Variants in ARPP21 observed in about 807,000 individuals in gnomAD.
ARPP21 encodes the protein cAMP-regulated phosphoprotein 21.
Under a neutral mutation model 113.2 loss-of-function variants are expected in ARPP21, and 69 were observed. The ratio of observed to expected loss-of-function variants is 0.61; its 90% CI spans 0.50 to 0.74. The LOEUF (loss-of-function observed/expected upper bound fraction) is 0.74. Ranked by LOEUF, ARPP21 falls within the 30% of genes least tolerant of loss-of-function variation. The pLI, the probability that ARPP21 is intolerant of heterozygous loss-of-function variation, is 0.00. For synonymous variants in ARPP21, 368 were observed against 375.5 expected, an observed-to-expected ratio of 0.98 and a Z score of 0.23; for missense variants, 1,070 against 1,037.4, an observed-to-expected ratio of 1.03 and a Z score of -0.43.
chr3:35,750,789 G>C (rs1553723278), intron 19 of ARPP21, among the ~76,000 whole-genome samples: 1 of 152,068 alleles, frequency 6.6e-6, no homozygotes, highest in African/African-American at 2.4e-5. Flanking sequence ...CTATCTTTTA[G>C]TTCCTTTTGC....
intron 12 of ARPP21, 108 bp from the exon 13 acceptor site, chr3:35,717,190 C>A: frequency 1.6e-6 from 1 of 614,132 alleles, no homozygotes; most frequent in Non-Finnish European, 2.9e-6. Context: ...ATAAATAAAA[C>A]TTTGTATGGG....
At chr3:35,785,089 T>A (rs937379939) in intron 19 of ARPP21, 2 of 152,070 alleles carry the variant, frequency 1.3e-5, no homozygotes, top group Non-Finnish European at 2.9e-5. Flanking sequence ...ATGGGGACAG[T>A]TATTAGAGCC....
intron 19 of ARPP21, among the ~76,000 whole-genome samples, chr3:35,782,699 T>C (rs972387549): frequency 7.9e-5 from 12 of 152,148 alleles, no homozygotes; most frequent in African/African-American, 2.7e-4. Flanking sequence ...GGTTTATAGA[T>C]TTTCTTACTC....
At chr3:35,755,761 T>G (rs2095548927) in intron 19 of ARPP21, among the ~76,000 whole-genome samples, 1 of 152,044 alleles carries the variant, frequency 6.6e-6, no homozygotes. Context: ...TCTTAAGTAG[T>G]GTTATTTTTA....
chr3:35,686,761 T>C (rs1016317400), intron 5 of ARPP21, among the ~76,000 whole-genome samples: 6 of 151,640 alleles, frequency 4.0e-5, no homozygotes, highest in Admixed American at 6.6e-5. Flanking sequence ...GGGCTTAACG[T>C]TGGTTAATTT....
chr3:35,680,741 TTTC>T (rs1268387917), intron 2 of ARPP21: 10 of 152,034 alleles, frequency 6.6e-5, no homozygotes, highest in South Asian at 2.1e-4. Flanking sequence ...TTCTTTTTAC[TTTC>T]TTCTTCTCTC....
At chr3:35,731,141 T>C (rs1576391741) in intron 15 of ARPP21, among the ~76,000 whole-genome samples, 2 of 152,184 alleles carry the variant, frequency 1.3e-5, no homozygotes, top group African/African-American at 4.8e-5. Context: ...TTTTGAGTGG[T>C]TTGTTTTAAG....
intron 19 of ARPP21, among the ~76,000 whole-genome samples, chr3:35,759,273 T>C (rs948839527): frequency 6.6e-6 from 1 of 152,092 alleles, no homozygotes; most frequent in Non-Finnish European, 1.5e-5. Context: ...AAATGCTCGC[T>C]ATGCCTAGGA....
At chr3:35,709,342 A>G (rs2090312578) in intron 11 of ARPP21, among the ~76,000 whole-genome samples, 1 of 152,180 alleles carries the variant, frequency 6.6e-6, no homozygotes, top group African/African-American at 2.4e-5. Context: ...TTAAATACAG[A>G]AAGTGTTTGT....
chr3:35,649,663 G>T (rs1205295908), intron 1 of ARPP21, among the ~76,000 whole-genome samples: 1 of 152,100 alleles, frequency 6.6e-6, no homozygotes, highest in Admixed American at 6.6e-5. Flanking sequence ...TAGAAGGCAG[G>T]GGTGAGGGAC....
intron 1 of ARPP21, among the ~76,000 whole-genome samples, chr3:35,644,694 T>C (rs1448877610): frequency 2.0e-5 from 3 of 151,954 alleles, no homozygotes; most frequent in Non-Finnish European, 4.4e-5. Flanking sequence ...ACAAAGGGGT[T>C]TGTTTGAATG....
intron 19 of ARPP21, among the ~76,000 whole-genome samples, chr3:35,751,537 A>G (rs2095405486): frequency 6.6e-6 from 1 of 152,082 alleles, no homozygotes; most frequent in Admixed American, 6.6e-5. Flanking sequence ...ACAATAGTGG[A>G]AGTCTTTGGA....
chr3:35,648,393 C>T (rs1701076978), intron 1 of ARPP21, among the ~76,000 whole-genome samples: 2 of 152,092 alleles, frequency 1.3e-5, no homozygotes, highest in Non-Finnish European at 2.9e-5. Context: ...AACCTAAAAT[C>T]CTGCACTAGT....
At chr3:35,783,179 C>T (rs923742236) in intron 19 of ARPP21, among the ~76,000 whole-genome samples, 1 of 152,076 alleles carries the variant, frequency 6.6e-6, no homozygotes, top group Non-Finnish European at 1.5e-5. Flanking sequence ...CCTTACAACT[C>T]CATTTTGATA....
chr3:35,673,072 T>C (rs1361474624), intron 1 of ARPP21, among the ~76,000 whole-genome samples: 1 of 152,018 alleles, frequency 6.6e-6, no homozygotes, highest in African/African-American at 2.4e-5. Flanking sequence ...GTTTCATTGG[T>C]GTGGTTGTTG....
At chr3:35,699,653 A>G (rs1055885807) in intron 9 of ARPP21, among the ~76,000 whole-genome samples, 1 of 151,670 alleles carries the variant, frequency 6.6e-6, no homozygotes, top group Non-Finnish European at 1.5e-5. Context: ...CAAGCCAGAA[A>G]AATGAAAAAA....
intron 19 of ARPP21, 102 bp downstream of exon 19, chr3:35,744,067 C>T (rs2094854062): frequency 2.5e-6 from 3 of 1,214,818 alleles, no homozygotes; most frequent in East Asian, 2.3e-5. Flanking sequence ...TTTAAACCAG[C>T]ACATTTTCTC....
At chr3:35,665,907 T>C (rs922692555) in intron 1 of ARPP21, among the ~76,000 whole-genome samples, 6 of 152,106 alleles carry the variant, frequency 3.9e-5, no homozygotes, top group Admixed American at 3.9e-4. Context: ...AATGGTTTTT[T>C]AAAGGAAACG....
chr3:35,689,799 G>T (rs1048282687), intron 7 of ARPP21, among the ~76,000 whole-genome samples: 2 of 151,318 alleles, frequency 1.3e-5, no homozygotes, highest in African/African-American at 4.8e-5. Context: ...TGGGTTTTTT[G>T]ATCCTAGTAC....
Sources: gnomAD v4.1 joint callset for allele counts (sites outside exome capture counted in the v4.1 genomes callset) on GRCh38, gnomAD v4.1.1 for gene constraint, MANE v1.5 for transcripts, NCBI Gene and HGNC (gene_info 2026-07-23, HGNC 2026-07-21) for gene names.